Variants in MAGI1 observed in about 807,000 individuals in gnomAD.
The protein encoded by MAGI1 is membrane associated guanylate kinase, WW and PDZ domain containing 1.
A neutral mutation model predicts 139.9 loss-of-function variants in MAGI1; 58 were observed. That is an observed-to-expected ratio of 0.41 (90% CI 0.34 to 0.52). MAGI1 has a LOEUF of 0.52. Among genes scored for constraint, MAGI1 ranks in the 20% least tolerant of loss-of-function variants. The pLI is 0.12. For synonymous variants in MAGI1, 812 were observed against 737.9 expected (o/e 1.10, Z -1.63); for missense variants, 1,874 against 1,901.6 (o/e 0.99, Z 0.27).
intron 1 of MAGI1, among the ~76,000 whole-genome samples, chr3:65,685,988 C>A (rs554815098): frequency 8.5e-5 from 13 of 152,286 alleles, no homozygotes; most frequent in African/African-American, 3.1e-4. Context: ...AATCTGTCAG[C>A]TGCAAATATG....
At chr3:65,666,757 T>C (rs1485123917) in intron 1 of MAGI1, among the ~76,000 whole-genome samples, 4 of 152,200 alleles carry the variant, frequency 2.6e-5, no homozygotes, top group Non-Finnish European at 5.9e-5. Context: ...CATCTCCACA[T>C]TCTGATGAAA....
intron 1 of MAGI1, among the ~76,000 whole-genome samples, chr3:65,962,048 G>A (rs1014683829): frequency 9.9e-5 from 15 of 151,708 alleles, no homozygotes; most frequent in African/African-American, 3.4e-4. Flanking sequence ...CCTCCTATCC[G>A]TCATATCAGT....
chr3:65,885,985 T>A (rs1559977582), intron 1 of MAGI1, among the ~76,000 whole-genome samples: 1 of 152,238 alleles, frequency 6.6e-6, no homozygotes, highest in Non-Finnish European at 1.5e-5. Context: ...GAATGGTGGT[T>A]ATCTCTGAGC....
At chr3:65,890,861 A>C (rs1391837134) in intron 1 of MAGI1, among the ~76,000 whole-genome samples, 6 of 152,226 alleles carry the variant, frequency 3.9e-5, no homozygotes, top group Admixed American at 2.6e-4. Context: ...AGCACAAAAC[A>C]TTAACTTGGA....
intron 1 of MAGI1, among the ~76,000 whole-genome samples, chr3:65,805,683 A>C (rs1022702209): frequency 6.6e-6 from 1 of 152,218 alleles, no homozygotes; most frequent in African/African-American, 2.4e-5. Flanking sequence ...ACATGGAATC[A>C]ACCTAAATGC....
chr3:65,610,742 G>GTATATACTATATAATATATATA, intron 2 of MAGI1, among the ~76,000 whole-genome samples: 1 of 121,318 alleles, frequency 8.2e-6, no homozygotes, highest in Non-Finnish European at 1.7e-5. Flanking sequence ...ATAGTATATA[G>GTATATACTATATAATATATATA]TATATATACA....
intron 1 of MAGI1, among the ~76,000 whole-genome samples, chr3:65,979,399 G>A (rs2065450680): frequency 6.6e-6 from 1 of 152,068 alleles, no homozygotes; most frequent in Non-Finnish European, 1.5e-5. Flanking sequence ...AAGCTCGCTG[G>A]GACATGTGGT....
chr3:65,646,079 C>T (rs112217217), intron 1 of MAGI1, among the ~76,000 whole-genome samples: 318 of 151,802 alleles, frequency 2.1e-3, no homozygotes, highest in African/African-American at 7.2e-3. Flanking sequence ...GTGTAAATCA[C>T]CTAAACACAC....
intron 4 of MAGI1, among the ~76,000 whole-genome samples, chr3:65,477,884 C>A (rs1011477478): frequency 2.0e-5 from 3 of 151,418 alleles, no homozygotes; most frequent in African/African-American, 7.3e-5. Flanking sequence ...ATGGCCTTAC[C>A]CAAAGGCCTT....
At chr3:65,580,301 GTCTTT>G (rs1159877934) in intron 2 of MAGI1, among the ~76,000 whole-genome samples, 3 of 142,848 alleles carry the variant, frequency 2.1e-5, no homozygotes, top group African/African-American at 7.7e-5. Context: ...CATTTGGTTT[GTCTTT>G]TCTTTTTTCT....
chr3:65,460,370 G>C (rs916107760), intron 5 of MAGI1, among the ~76,000 whole-genome samples: 21 of 152,154 alleles, frequency 1.4e-4, no homozygotes, highest in Non-Finnish European at 2.5e-4. Flanking sequence ...AATAACTGTA[G>C]AGTGTTCTTC....
chr3:65,389,024 T>A (rs1358619213), intron 14 of MAGI1, among the ~76,000 whole-genome samples: 2 of 151,570 alleles, frequency 1.3e-5, no homozygotes, highest in Non-Finnish European at 2.9e-5. Context: ...TTGTATTTTT[T>A]AGCAGAGACG....
At chr3:65,645,289 T>A (rs1357968989) in intron 1 of MAGI1, among the ~76,000 whole-genome samples, 2 of 151,722 alleles carry the variant, frequency 1.3e-5, no homozygotes, top group East Asian at 3.9e-4. Context: ...AGAAAAAAAA[T>A]ATTGAAAGCA....
chr3:65,659,123 A>G (rs191599218), intron 1 of MAGI1, among the ~76,000 whole-genome samples: 47 of 152,262 alleles, frequency 3.1e-4, no homozygotes, highest in Admixed American at 1.2e-3. Context: ...GATAGGAAGT[A>G]CAGAGCCAGT....
chr3:65,384,710 GTGACAGAGTA>G (rs1410037490), intron 14 of MAGI1, among the ~76,000 whole-genome samples: 10 of 152,104 alleles, frequency 6.6e-5, no homozygotes. Context: ...TCCAGCCTGG[GTGACAGAGTA>G]AGACCCTGTC....
At chr3:65,629,046 C>T (rs1366899692) in intron 1 of MAGI1, among the ~76,000 whole-genome samples, 1 of 151,920 alleles carries the variant, frequency 6.6e-6, no homozygotes, top group Non-Finnish European at 1.5e-5. Flanking sequence ...GAAATGATCC[C>T]CTAATATAAC....
At chr3:65,817,851 A>G (rs1263745203) in intron 1 of MAGI1, among the ~76,000 whole-genome samples, 2 of 152,246 alleles carry the variant, frequency 1.3e-5, no homozygotes, top group Non-Finnish European at 2.9e-5. Context: ...CAAATGTAAT[A>G]GAACAAGACA....
At chr3:65,507,734 T>C (rs1356841620) in intron 2 of MAGI1, among the ~76,000 whole-genome samples, 1 of 152,172 alleles carries the variant, frequency 6.6e-6, no homozygotes, top group Non-Finnish European at 1.5e-5. Flanking sequence ...AATTAGTTCA[T>C]GTTTCAGTGA....
chr3:65,435,490 GGATGGATGGATGGAA>G (rs1036830885), intron 10 of MAGI1, among the ~76,000 whole-genome samples: 3 of 151,742 alleles, frequency 2.0e-5, no homozygotes, highest in Non-Finnish European at 4.4e-5. Flanking sequence ...ATGGATGGAT[GGATGGATGGATGGAA>G]GATGGATGGA....
Sources: allele counts gnomAD v4.1 joint callset (sites outside exome capture counted in the v4.1 genomes callset), GRCh38; gene constraint gnomAD v4.1.1; transcripts MANE v1.5; gene names NCBI Gene and HGNC (gene_info 2026-07-23, HGNC 2026-07-21).